The following CCDC102B variants were observed in gnomAD, a reference collection of about 807,000 sequenced individuals.
CCDC102B encodes the protein coiled-coil domain-containing protein 102B.
A neutral mutation model predicts 57.4 loss-of-function variants in CCDC102B; 75 were observed. The observed-to-expected ratio is 1.31, with a 90% CI of 1.08 to 1.58. The LOEUF is 1.58. Among genes scored for constraint, CCDC102B ranks in the 40% most tolerant of loss-of-function variants. The pLI is 0.00. For missense variants in CCDC102B, 636 were observed against 582.6 expected (o/e 1.09, Z -0.94); for synonymous variants, 206 against 201.9 (o/e 1.02, Z -0.17).
chr18:68,936,830 CATATAT>C (rs2049254682), intron 6 of CCDC102B, among the ~76,000 whole-genome samples: 2 of 150,196 alleles, frequency 1.3e-5, no homozygotes, highest in African/African-American at 4.9e-5. Flanking sequence ...TACACATATA[CATATAT>C]ACATATATAA....
At chr18:68,720,656 T>C (rs2032276186) in intron 2 of CCDC102B, among the ~76,000 whole-genome samples, 1 of 152,216 alleles carries the variant, frequency 6.6e-6, no homozygotes, top group African/African-American at 2.4e-5. Context: ...TTCAACACTG[T>C]TATTACATTG....
intron 6 of CCDC102B, among the ~76,000 whole-genome samples, chr18:68,920,834 G>A (rs1022093299): frequency 6.6e-6 from 1 of 152,066 alleles, no homozygotes; most frequent in African/African-American, 2.4e-5. Flanking sequence ...GATTCAACCT[G>A]TTCTCCCTTT....
At chr18:68,968,982 C>T (rs972012059) in intron 6 of CCDC102B, among the ~76,000 whole-genome samples, 1 of 151,920 alleles carries the variant, frequency 6.6e-6, no homozygotes, top group South Asian at 2.1e-4. Context: ...CCAATTATAC[C>T]TTAATAAAGC....
At chr18:69,038,960 C>A (rs1230087920) in intron 7 of CCDC102B, among the ~76,000 whole-genome samples, 1 of 151,498 alleles carries the variant, frequency 6.6e-6, no homozygotes, top group Non-Finnish European at 1.5e-5. Flanking sequence ...AAATACTAAT[C>A]TTTTCCTTTC....
chr18:69,037,308 A>G (rs2052321344), intron 7 of CCDC102B, among the ~76,000 whole-genome samples: 1 of 152,056 alleles, frequency 6.6e-6, no homozygotes, highest in Non-Finnish European at 1.5e-5. Context: ...TATCACATTT[A>G]GAATATATGG....
chr18:68,827,841 GAA>G (rs2036967119), intron 1 of CCDC102B, among the ~76,000 whole-genome samples: 1 of 151,706 alleles, frequency 6.6e-6, no homozygotes, highest in Non-Finnish European at 1.5e-5. Context: ...TAAAATAATG[GAA>G]AATAAAAGGA....
At chr18:68,727,628 G>A (rs1016365424) in intron 2 of CCDC102B, among the ~76,000 whole-genome samples, 4 of 152,194 alleles carry the variant, frequency 2.6e-5, no homozygotes, top group Non-Finnish European at 4.4e-5. Flanking sequence ...TACTGCTACT[G>A]GCAGGCCTAA....
intron 3 of CCDC102B, among the ~76,000 whole-genome samples, chr18:68,842,969 G>A (rs547140662): frequency 1.3e-5 from 2 of 152,292 alleles, no homozygotes; most frequent in South Asian, 4.1e-4. Context: ...TTTGTGGCAT[G>A]AGAGTTGGTC....
At chr18:68,947,025 G>A (rs112899832) in intron 6 of CCDC102B, among the ~76,000 whole-genome samples, 1 of 151,908 alleles carries the variant, frequency 6.6e-6, no homozygotes, top group African/African-American at 2.4e-5. Context: ...TTGTTTCACA[G>A]GATAAAAATC....
chr18:68,956,461 T>TA (rs1271820957), intron 6 of CCDC102B, among the ~76,000 whole-genome samples: 116 of 7,432 alleles, frequency 0.016, 8 homozygotes, highest in African/African-American at 0.067. Context: ...ATTATATATT[T>TA]TATATATATA....
chr18:68,779,241 C>A (rs1319094670), intron 2 of CCDC102B, among the ~76,000 whole-genome samples: 1 of 152,018 alleles, frequency 6.6e-6, no homozygotes, highest in Non-Finnish European at 1.5e-5. Flanking sequence ...GACAGAGCAG[C>A]AGGAAATTAT....
rs557145701 is a variant in CCDC102B, at chr18:68,740,679, A to G, written c.-67+24085A>G. Among the ~76,000 whole-genome samples, 7 of 152,298 alleles carry G rather than the reference A, an allele frequency of 4.6e-5. No individual in the cohort carries two copies. The East Asian group carries it at 1.2e-3, about 25-fold the overall frequency. On this transcript the variant is annotated intron_variant, in intron 2 of 3. Coordinates refer to the CCDC102B transcript ENST00000578970. ...GTGGAGTAGATCGCATGAGTAACCC[A>G]GTGCTGCCTCGGACGGGACGGGTAC... is the stretch of plus-strand genomic sequence containing the variant.
At chr18:68,770,556 G>T (rs987315122) in intron 2 of CCDC102B, among the ~76,000 whole-genome samples, 1 of 152,088 alleles carries the variant, frequency 6.6e-6, no homozygotes, top group Admixed American at 6.6e-5. Context: ...CTACCTCAGA[G>T]GGGGGAGAAT....
At chr18:69,038,383 G>A (rs67640928) in intron 7 of CCDC102B, among the ~76,000 whole-genome samples, 12,630 of 151,732 alleles carry the variant, frequency 0.083, 1,123 homozygotes, top group African/African-American at 0.22. Flanking sequence ...TTTGTCATAC[G>A]TTCCAATACA....
intron 7 of CCDC102B, among the ~76,000 whole-genome samples, chr18:69,036,771 C>G (rs1439341990): frequency 6.6e-6 from 1 of 151,952 alleles, no homozygotes; most frequent in Non-Finnish European, 1.5e-5. Flanking sequence ...ATCCAAATTT[C>G]TACATTGGGT....
intron 2 of CCDC102B, among the ~76,000 whole-genome samples, chr18:68,769,823 G>C (rs524977): frequency 1.7e-3 from 253 of 152,268 alleles, no homozygotes; most frequent in African/African-American, 5.8e-3. Context: ...AGATTATGTT[G>C]ATCCTTAAAG....
chr18:68,925,111 A>G lies in CCDC102B; in HGVS notation c.1263+27683A>G, dbSNP rs899465707. 7.2e-5 allele frequency among the ~76,000 whole-genome samples: 11 copies of G among 152,192 alleles called. No individual in the cohort carries two copies. In the East Asian group the frequency reaches 1.2e-3, roughly 16 times the overall value. ...AAAACGACAGCCCTCCAATTATGCT[A>G]TGGAAAAGCATTCTACCAGGTCTTC... is the stretch of plus-strand genomic sequence containing the variant. On this transcript the variant is annotated intron_variant, in intron 6 of 7. Coordinates refer to ENST00000360242, the MANE Select transcript of CCDC102B (RefSeq NM_024781.3).
chr18:68,923,351 G>A (rs946206517), intron 6 of CCDC102B, among the ~76,000 whole-genome samples: 5 of 151,656 alleles, frequency 3.3e-5, no homozygotes, highest in South Asian at 2.1e-4. Context: ...ATGTATATAT[G>A]TATTTTTATA....
chr18:68,905,884 C>T (rs532033768), intron 6 of CCDC102B, among the ~76,000 whole-genome samples: 154 of 139,422 alleles, frequency 1.1e-3, no homozygotes, highest in African/African-American at 4.0e-3. Flanking sequence ...AGCTCCGCCT[C>T]CCGGGTTCAC....
Sources: allele counts gnomAD v4.1 joint callset (sites outside exome capture counted in the v4.1 genomes callset), GRCh38; gene constraint gnomAD v4.1.1; transcripts MANE v1.5; gene names NCBI Gene and HGNC (gene_info 2026-07-23, HGNC 2026-07-21).